The following APOBEC3F variants were observed in gnomAD, a reference collection of about 807,000 sequenced individuals.
APOBEC3F encodes apolipoprotein B mRNA editing enzyme catalytic subunit 3F.
In APOBEC3F, 34 loss-of-function variants were observed where a neutral mutation model predicts 45.8. That is an observed-to-expected ratio of 0.74 (90% CI 0.57 to 0.99). APOBEC3F has a LOEUF of 0.99. Among genes scored for constraint, APOBEC3F ranks in the 50% least tolerant of loss-of-function variants. The probability of loss-of-function intolerance (pLI) is 0.00; values close to 1 mark genes in which losing one functional copy is unlikely to be tolerated. For synonymous variants in APOBEC3F, 192 were observed against 174.4 expected (o/e 1.10, Z -0.80); for missense variants, 459 against 474.1 (o/e 0.97, Z 0.30).
chr22:39,045,582 G>A (rs1205969593), intron 4 of APOBEC3F, 40 bp downstream of exon 4: 9 of 1,612,534 alleles, frequency 5.6e-6, no homozygotes, highest in South Asian at 3.3e-5. Flanking sequence ...GTCTCCTCTC[G>A]CCTCCTGCTC....
At chr22:39,050,733 A>G (rs1017079987) in intron 5 of APOBEC3F, among the ~76,000 whole-genome samples, 1 of 151,734 alleles carries the variant, frequency 6.6e-6, no homozygotes, top group African/African-American at 2.4e-5. Flanking sequence ...CCCCATTTCA[A>G]GTGCTCAGTA....
At chr22:39,043,263 G>A (rs532946167) in intron 2 of APOBEC3F, among the ~76,000 whole-genome samples, 173 bp downstream of exon 2, 2 of 151,380 alleles carry the variant, frequency 1.3e-5, no homozygotes, top group African/African-American at 2.4e-5. Context: ...GGATCGGATC[G>A]TGGAGGGGGT....
rs113366026 is a variant in APOBEC3F, at chr22:39,041,688, A to C, written c.17+711A>C. Among the ~76,000 whole-genome samples the C allele has an allele frequency of 4.3e-3, 652 of 152,042 alleles. 3 individuals carry two copies. The highest frequency in any genetic ancestry group is 0.015 in the African/African-American group (622 of 41,462). ...AGACCATCCTGATCAACATGGATAAACCCTGTCTCTACTAAAAATACAAAA... is the reference window on the plus strand; with the variant it reads ...AGACCATCCTGATCAACATGGATAACCCCTGTCTCTACTAAAAATACAAAA... On this transcript the variant is annotated intron_variant, in intron 1 of 6. Coordinates refer to ENST00000308521, the MANE Select transcript of APOBEC3F (RefSeq NM_145298.6).
intron 6 of APOBEC3F, 85 bp from the exon 7 acceptor site, chr22:39,052,492 A>T: frequency 1.3e-6 from 2 of 1,569,136 alleles, no homozygotes; most frequent in Non-Finnish European, 1.7e-6. Flanking sequence ...ACTGGCAGTC[A>T]GGAGACCTGG....
chr22:39,042,310 C>CTTTTTT (rs759396493), intron 1 of APOBEC3F, among the ~76,000 whole-genome samples: 2 of 94,386 alleles, frequency 2.1e-5, no homozygotes, highest in African/African-American at 5.9e-5. Flanking sequence ...TTCTCTCTCT[C>CTTTTTT]TTTTTTTTTT....
chr22:39,043,884 G>T (rs912311306), intron 2 of APOBEC3F, among the ~76,000 whole-genome samples: 4 of 152,026 alleles, frequency 2.6e-5, no homozygotes, highest in African/African-American at 9.6e-5. Flanking sequence ...AATTAGCCCG[G>T]TGTGGTGGCA....
chr22:39,044,825 G>A (rs1927119153), intron 2 of APOBEC3F, 116 bp from the exon 3 acceptor site: 4 of 961,450 alleles, frequency 4.2e-6, no homozygotes, highest in Non-Finnish European at 4.6e-6. Context: ...GAGGAAAGGA[G>A]CTTCAATGGC....
chr22:39,048,250 C>A (rs1484033585), intron 4 of APOBEC3F, among the ~76,000 whole-genome samples: 1 of 152,230 alleles, frequency 6.6e-6, no homozygotes, highest in Non-Finnish European at 1.5e-5. Flanking sequence ...CTCCATCCAT[C>A]CCCATCTCTG....
Position 39,055,647 on chromosome 22 carries a change from A to G in APOBEC3F, c.*2952A>G, listed in dbSNP as rs1038548267. On this transcript the variant is annotated 3_prime_UTR_variant, in exon 7 of 7. Coordinates refer to ENST00000308521, the MANE Select transcript of APOBEC3F (RefSeq NM_145298.6). The stretch of plus-strand genomic sequence containing the variant: ...GTTAGAAAGATGCAGAAGTAAGATC[A>G]ATGGCCAGACTGTTTGGCGCTGCTA... Among the ~76,000 whole-genome samples, 6 of 152,204 alleles carry G rather than the reference A, an allele frequency of 3.9e-5. No individual in the cohort carries two copies. Among genetic ancestry groups the G allele is most frequent in the Non-Finnish European group, 5.9e-5 (4 of 68,038 alleles).
At position 39,055,091 on chromosome 22, in the gene APOBEC3F, T is replaced by TTC. The variant is rs1555903171; in HGVS notation, c.*2396_*2397insTC. Among the ~76,000 whole-genome samples the TTC allele has an allele frequency of 0.015, 2,215 of 151,544 alleles. 49 individuals carry two copies. The highest frequency in any genetic ancestry group is 0.052 in the African/African-American group (2,129 of 41,190). On this transcript the variant is annotated 3_prime_UTR_variant, in exon 7 of 7. Coordinates refer to ENST00000308521, the MANE Select transcript of APOBEC3F (RefSeq NM_145298.6). ...CTTCCAAATATCTTTTTTTTTTTTT[T>TTC]CAGACAGTTTTGCTCTTGTTTTCTA...
intron 4 of APOBEC3F, among the ~76,000 whole-genome samples, chr22:39,048,024 G>C (rs1186000688): frequency 2.0e-5 from 3 of 152,200 alleles, no homozygotes; most frequent in African/African-American, 7.2e-5. Context: ...AACAGAGGAG[G>C]ATGCACATGA....
chr22:39,048,480 C>G (rs567968537), intron 4 of APOBEC3F, among the ~76,000 whole-genome samples: 9 of 152,258 alleles, frequency 5.9e-5, no homozygotes, highest in East Asian at 1.9e-4. Context: ...CAAGACCAGC[C>G]TGGCCAACAT....
chr22:39,045,129 C>G lies in APOBEC3F; in HGVS notation c.360C>G (p.Ala120=). ...HPNVTLTISA[A]RLYYYWERDY... ...ATGTCACCCTGACCATCTCCGCCGC[C>G]CGCCTCTACTACTACTGGGAAAGAG... Residue 120 remains alanine (A), a synonymous_variant, in exon 3 of 7, where the codon GCC becomes GCG. Coordinates refer to ENST00000308521, the MANE Select transcript of APOBEC3F (RefSeq NM_145298.6). 6.2e-7 allele frequency: 1 copy of G among 1,614,126 alleles called. No individual in the cohort carries two copies. Among genetic ancestry groups the G allele is most frequent in the Non-Finnish European group, 8.5e-7 (1 of 1,180,020 alleles).
At chr22:39,048,951 C>G (rs1174373685) in intron 4 of APOBEC3F, among the ~76,000 whole-genome samples, 1 of 151,928 alleles carries the variant, frequency 6.6e-6, no homozygotes, top group African/African-American at 2.4e-5. Context: ...CGCCACTGCA[C>G]TCCAGCCTGG....
At chr22:39,051,991 G>C in intron 5 of APOBEC3F, 83 bp from the exon 6 acceptor site, 3 of 1,558,786 alleles carry the variant, frequency 1.9e-6, no homozygotes, top group Non-Finnish European at 2.6e-6. Flanking sequence ...CTCCAGGCCC[G>C]CCCTCTGCTC....
In APOBEC3F at chr22:39,049,529, T is replaced by C. The variant is rs766566349; in HGVS notation, c.671T>C (p.Val224Ala). 3.1e-6 allele frequency: 5 copies of C among 1,614,076 alleles called. No individual in the cohort carries two copies. The highest frequency in any genetic ancestry group is 4.2e-6 in the Non-Finnish European group (5 of 1,180,010). ...AGCTGGCTGTGCTTCACCATGGAAGTTGTAAAGCACCACTCACCTGTCTCC... is the reference window on the plus strand; with the variant it reads ...AGCTGGCTGTGCTTCACCATGGAAGCTGTAAAGCACCACTCACCTGTCTCC... ...NESWLCFTME[V>A]VKHHSPVSWK... Residue 224 changes from valine to alanine, a missense_variant, in exon 5 of 7, where the codon GTT (valine) becomes GCT (alanine). Coordinates refer to ENST00000308521, the MANE Select transcript of APOBEC3F (RefSeq NM_145298.6).
intron 4 of APOBEC3F, among the ~76,000 whole-genome samples, chr22:39,047,702 G>A (rs1392126644): frequency 6.6e-6 from 1 of 151,768 alleles, no homozygotes; most frequent in East Asian, 1.9e-4. Context: ...GCTTCTGAAT[G>A]GGCCATCTCC....
chr22:39,051,166 GGCAGAGGTTGCAGTGA>G (rs1927464569), intron 5 of APOBEC3F, among the ~76,000 whole-genome samples: 1 of 151,814 alleles, frequency 6.6e-6, no homozygotes, highest in South Asian at 2.1e-4. Flanking sequence ...GAACCCAGGA[GGCAGAGGTTGCAGTGA>G]GCCGAGATCT....
chr22:39,046,363 T>C (rs180770681), intron 4 of APOBEC3F, among the ~76,000 whole-genome samples: 1 of 152,244 alleles, frequency 6.6e-6, no homozygotes, highest in Admixed American at 6.5e-5. Flanking sequence ...TCCATGACAA[T>C]GGGTCAAGCT....
Sources: allele counts gnomAD v4.1 joint callset (sites outside exome capture counted in the v4.1 genomes callset), GRCh38; gene constraint gnomAD v4.1.1; transcripts MANE v1.5; gene names NCBI Gene and HGNC (gene_info 2026-07-23, HGNC 2026-07-21).